CCDC150: variants seen among roughly 807,000 people sequenced by gnomAD.
The protein encoded by CCDC150 is coiled-coil domain-containing protein 150.
CCDC150 carries 151 observed loss-of-function variants against 156.5 expected under a neutral mutation model. The ratio of observed to expected loss-of-function variants is 0.97; its 90% CI spans 0.85 to 1.10. CCDC150 has a LOEUF of 1.10. CCDC150 is among the 50% of genes least tolerant of loss of function. The probability of loss-of-function intolerance (pLI) is 0.00; values close to 1 mark genes in which losing one functional copy is unlikely to be tolerated. For synonymous variants in CCDC150, 452 were observed against 429.4 expected (o/e 1.05, Z -0.65); for missense variants, 1,312 against 1,268.1 (o/e 1.03, Z -0.53).
At chr2:196,689,308 G>A (rs1398567644) in intron 13 of CCDC150, among the ~76,000 whole-genome samples, 2 of 152,038 alleles carry the variant, frequency 1.3e-5, no homozygotes, top group African/African-American at 4.8e-5. Flanking sequence ...TGATGGGGAT[G>A]GCATTGAATC....
At chr2:196,729,078 A>G in intron 22 of CCDC150, 115 bp from the exon 23 acceptor site, 1 of 925,884 alleles carries the variant, frequency 1.1e-6, no homozygotes, top group Non-Finnish European at 1.6e-6. Flanking sequence ...TTATTGCCTC[A>G]CTAACTCTCC....
intron 1 of CCDC150, 91 bp downstream of exon 1, chr2:196,639,869 C>G (rs993682158): frequency 1.7e-6 from 2 of 1,156,408 alleles, no homozygotes; most frequent in Admixed American, 2.7e-5. Flanking sequence ...CCCTGGCGCC[C>G]TCTCCCTGTC....
intron 14 of CCDC150, among the ~76,000 whole-genome samples, chr2:196,699,708 C>T (rs1696074686): frequency 6.6e-6 from 1 of 152,068 alleles, no homozygotes; most frequent in Non-Finnish European, 1.5e-5. Context: ...TTTGTAGAGA[C>T]AGGGTTTTGC....
At chr2:196,706,112 A>G (rs9752394) in intron 15 of CCDC150, among the ~76,000 whole-genome samples, 13,871 of 152,258 alleles carry the variant, frequency 0.091, 792 homozygotes, top group African/African-American at 0.17. Context: ...CCTTGAATCT[A>G]TAAATTACCT....
chr2:196,686,290 C>A, intron 13 of CCDC150: 1 of 185,672 alleles, frequency 5.4e-6, no homozygotes, highest in Admixed American at 5.3e-5. Flanking sequence ...GCACCCACAG[C>A]TGGGCAAGTT....
chr2:196,701,023 G>T (rs1311776386), intron 14 of CCDC150, 86 bp from the exon 15 acceptor site: 3 of 806,878 alleles, frequency 3.7e-6, no homozygotes, highest in Non-Finnish European at 6.0e-6. Flanking sequence ...GATAGAAATG[G>T]TAAGGATGTA....
intron 5 of CCDC150, among the ~76,000 whole-genome samples, chr2:196,663,537 T>C (rs959406880): frequency 6.6e-6 from 1 of 152,062 alleles, no homozygotes; most frequent in African/African-American, 2.4e-5. Flanking sequence ...AAAAGAATCT[T>C]ATAGGAATTT....
chr2:196,695,750 G>A (rs1292601230), intron 14 of CCDC150, among the ~76,000 whole-genome samples: 1 of 150,892 alleles, frequency 6.6e-6, no homozygotes, highest in South Asian at 2.1e-4. Flanking sequence ...GGCGGAGCTT[G>A]CAGTGAGCCA....
intron 22 of CCDC150, 28 bp from the exon 23 acceptor site, chr2:196,729,165 G>C: frequency 6.4e-7 from 1 of 1,565,050 alleles, no homozygotes; most frequent in Non-Finnish European, 8.6e-7. Context: ...AAGTAAAAAT[G>C]TTTCAATTTT....
chr2:196,707,623 T>C (rs1474964197), intron 15 of CCDC150, among the ~76,000 whole-genome samples: 1 of 152,232 alleles, frequency 6.6e-6, no homozygotes, highest in Non-Finnish European at 1.5e-5. Flanking sequence ...TTTAGATCTT[T>C]CCTGCTTTCT....
chr2:196,692,718 G>T (rs1695568156), intron 13 of CCDC150, among the ~76,000 whole-genome samples: 1 of 152,148 alleles, frequency 6.6e-6, no homozygotes, highest in Non-Finnish European at 1.5e-5. Context: ...TTTCACATTT[G>T]CTGAGGAGTG....
chr2:196,714,990 A>G (rs764042676), intron 17 of CCDC150, among the ~76,000 whole-genome samples: 1 of 152,142 alleles, frequency 6.6e-6, no homozygotes, highest in Non-Finnish European at 1.5e-5. Flanking sequence ...AAGTTTAAGG[A>G]TGTTTTATAA....
rs1693168391 is a variant in CCDC150, at chr2:196,656,054, C to T, written c.177-579C>T. On this transcript the variant is annotated intron_variant, in intron 2 of 27. Transcript: ENST00000389175. ...GAAACTGGGAGCTTTGAGTTGTAGG[C>T]CCTTCTCTACCCTGATCCTGGGGTA... 3.3e-5 allele frequency among the ~76,000 whole-genome samples: 5 copies of T among 152,260 alleles called. No individual in the cohort carries two copies. In the South Asian group the frequency reaches 1.0e-3, roughly 32 times the overall value.
At chr2:196,730,824 G>A (rs1175743881) in intron 25 of CCDC150, 35 bp from the exon 26 acceptor site, 1 of 1,485,986 alleles carries the variant, frequency 6.7e-7, no homozygotes, top group Admixed American at 2.0e-5. Context: ...ATGGTATGTT[G>A]GAAGTTTATA....
At chr2:196,690,806 C>T (rs947326352) in intron 13 of CCDC150, among the ~76,000 whole-genome samples, 4 of 152,088 alleles carry the variant, frequency 2.6e-5, no homozygotes, top group African/African-American at 9.7e-5. Flanking sequence ...AATGGCTCTA[C>T]CTTTTGTCAA....
chr2:196,712,287 A>G (rs1184468876), intron 16 of CCDC150, 35 bp downstream of exon 16: 1 of 1,183,732 alleles, frequency 8.4e-7, no homozygotes, highest in South Asian at 1.5e-5. Flanking sequence ...GATTGCTGCT[A>G]TATTTCGTTT....
rs534161993 is a variant in CCDC150, at chr2:196,640,061, T to C, written c.12+283T>C. ...ATACCACCTTTATTTATGTGTTAAG[T>C]TGGAGTTTAATAGGTTCCTGGGAAG... is the stretch of plus-strand genomic sequence containing the variant. On this transcript the variant is annotated intron_variant, in intron 1 of 27. Coordinates refer to ENST00000389175, the MANE Select transcript of CCDC150 (RefSeq NM_001080539.2). 2.6e-5 allele frequency among the ~76,000 whole-genome samples: 4 copies of C among 152,294 alleles called. No homozygotes were observed. In the East Asian group the frequency reaches 5.8e-4, roughly 22 times the overall value.
chr2:196,677,856 G>C (rs932607094), intron 13 of CCDC150, among the ~76,000 whole-genome samples: 9 of 152,150 alleles, frequency 5.9e-5, no homozygotes. Context: ...TGGGCATGGT[G>C]GTGGGCGCCT....
intron 5 of CCDC150, among the ~76,000 whole-genome samples, chr2:196,663,419 G>A (rs1392536339): frequency 6.6e-6 from 1 of 152,052 alleles, no homozygotes; most frequent in Non-Finnish European, 1.5e-5. Context: ...TTCATTTATT[G>A]GATCAGAAGA....
Sources: allele counts gnomAD v4.1 joint callset (sites outside exome capture counted in the v4.1 genomes callset), GRCh38; gene constraint gnomAD v4.1.1; transcripts MANE v1.5; gene names NCBI Gene and HGNC (gene_info 2026-07-23, HGNC 2026-07-21).